NREP: variants seen among roughly 807,000 people sequenced by gnomAD.
NREP encodes neuronal regeneration related protein.
In NREP, 5 loss-of-function variants were observed where a neutral mutation model predicts 8.6. That is an observed-to-expected ratio of 0.58 (90% confidence interval 0.30 to 1.22). The LOEUF is 1.22. Among genes scored for constraint, NREP ranks in the 50% most tolerant of loss-of-function variants. The pLI is 0.07. For missense variants in NREP, 86 were observed against 82.5 expected (o/e 1.04, Z -0.17); for synonymous variants, 27 against 28.0 (o/e 0.96, Z 0.11).
intron 2 of NREP, among the ~76,000 whole-genome samples, chr5:111,865,002 C>A (rs1385461796): frequency 6.6e-6 from 1 of 152,082 alleles, no homozygotes; most frequent in Non-Finnish European, 1.5e-5. Flanking sequence ...GTGTGAAATT[C>A]TGTCTATTAT....
chr5:111,811,768 T>G (rs7705253), intron 2 of NREP, among the ~76,000 whole-genome samples: 1 of 152,060 alleles, frequency 6.6e-6, no homozygotes, highest in Non-Finnish European at 1.5e-5. Context: ...TTTTGAATTA[T>G]TGAATAATCA....
intron 2 of NREP, among the ~76,000 whole-genome samples, chr5:111,885,424 C>T (rs754395236): frequency 6.6e-6 from 1 of 151,320 alleles, no homozygotes; most frequent in Non-Finnish European, 1.5e-5. Flanking sequence ...AGATTCAATG[C>T]CATCCCCATC....
At chr5:111,939,447 A>C (rs1479750156) in intron 2 of NREP, among the ~76,000 whole-genome samples, 1 of 151,962 alleles carries the variant, frequency 6.6e-6, no homozygotes, top group Non-Finnish European at 1.5e-5. Flanking sequence ...GGAAATCCTC[A>C]TTATTTGTGG....
chr5:111,743,260 T>A (rs954429118), intron 2 of NREP, among the ~76,000 whole-genome samples: 2 of 143,714 alleles, frequency 1.4e-5, no homozygotes, highest in African/African-American at 5.2e-5. Flanking sequence ...CTCTCTTTAG[T>A]GAAGAAAAAA....
At chr5:111,812,767 AC>A (rs1752298873) in intron 2 of NREP, among the ~76,000 whole-genome samples, 2 of 152,170 alleles carry the variant, frequency 1.3e-5, no homozygotes, top group Admixed American at 1.3e-4. Flanking sequence ...CAGTCACTAT[AC>A]TGTTATCATT....
At chr5:111,946,999 A>G (rs1430406654) in intron 2 of NREP, among the ~76,000 whole-genome samples, 2 of 152,114 alleles carry the variant, frequency 1.3e-5, no homozygotes, top group Non-Finnish European at 2.9e-5. Flanking sequence ...TTTCTACAGC[A>G]TAATTTAGTT....
chr5:111,828,976 G>T (rs989099720), intron 2 of NREP, among the ~76,000 whole-genome samples: 3 of 152,054 alleles, frequency 2.0e-5, no homozygotes, highest in Non-Finnish European at 2.9e-5. Context: ...CTGTAGATTA[G>T]AGAGACATTT....
At chr5:111,789,857 T>A (rs115548455) in intron 2 of NREP, among the ~76,000 whole-genome samples, 406 of 152,272 alleles carry the variant, frequency 2.7e-3, no homozygotes, top group African/African-American at 8.0e-3. Context: ...CTTAGGGCTA[T>A]AGGCAATGGA....
At chr5:111,794,591 T>C (rs969909975) in intron 2 of NREP, among the ~76,000 whole-genome samples, 1 of 152,124 alleles carries the variant, frequency 6.6e-6, no homozygotes, top group Non-Finnish European at 1.5e-5. Context: ...GTACATACAA[T>C]ATGATTTCAA....
intron 2 of NREP, among the ~76,000 whole-genome samples, chr5:111,823,421 A>C (rs1187986441): frequency 6.6e-6 from 1 of 152,200 alleles, no homozygotes; most frequent in Non-Finnish European, 1.5e-5. Context: ...GTCTCCTGAC[A>C]ATTGGAATTA....
At chr5:111,898,345 A>T (rs1754563638) in intron 2 of NREP, among the ~76,000 whole-genome samples, 2 of 152,232 alleles carry the variant, frequency 1.3e-5, no homozygotes, top group Non-Finnish European at 2.9e-5. Context: ...ATTTAGAGAT[A>T]GAGACGAGAT....
intron 2 of NREP, among the ~76,000 whole-genome samples, chr5:111,961,834 G>T (rs1756488952): frequency 6.6e-6 from 1 of 152,214 alleles, no homozygotes; most frequent in Non-Finnish European, 1.5e-5. Flanking sequence ...GAGTGGTGAG[G>T]ACTTAACAGG....
intron 2 of NREP, among the ~76,000 whole-genome samples, chr5:111,926,820 T>C (rs1320967217): frequency 1.3e-5 from 2 of 151,748 alleles, no homozygotes; most frequent in Non-Finnish European, 1.5e-5. Flanking sequence ...CTTTGTTCCC[T>C]GAGCCCTGGC....
rs1317440923 is a variant in NREP at position 111,779,483 on chromosome 5, CA to C, written c.136-43977del. ...TCTAATTGGATTAGTTACCATGATT[CA>C]TTTAGCCATAAACAGGTATGTGATG... On this transcript the variant is annotated intron_variant, in intron 2 of 3. Coordinates refer to the NREP transcript ENST00000395634. Among the ~76,000 whole-genome samples the C allele has an allele frequency of 2.6e-5, 4 of 152,270 alleles. No individual in the cohort carries two copies. In the East Asian group the frequency reaches 7.7e-4, roughly 29 times the overall value.
intron 2 of NREP, among the ~76,000 whole-genome samples, chr5:111,958,251 A>G (rs1756379832): frequency 6.6e-6 from 1 of 151,948 alleles, no homozygotes; most frequent in South Asian, 2.1e-4. Flanking sequence ...GAATTATAAT[A>G]CTATAATTTT....
chr5:111,755,585 G>A (rs977903687), intron 2 of NREP, 185 bp downstream of exon 2: 2 of 642,402 alleles, frequency 3.1e-6, no homozygotes, highest in African/African-American at 1.8e-5. Context: ...GAACTAATTT[G>A]CCACATCCAA....
intron 2 of NREP, chr5:111,912,405 A>C (rs2112564781): frequency 6.6e-6 from 1 of 152,464 alleles, no homozygotes; most frequent in African/African-American, 2.4e-5. Flanking sequence ...GCCCTTGACT[A>C]CTAGTCTGTT....
intron 2 of NREP, among the ~76,000 whole-genome samples, chr5:111,860,325 A>C (rs1753517503): frequency 6.6e-6 from 1 of 152,114 alleles, no homozygotes; most frequent in African/African-American, 2.4e-5. Context: ...CATTTCAGCA[A>C]GATCTGTCAT....
intron 2 of NREP, among the ~76,000 whole-genome samples, chr5:111,877,290 T>C (rs1406495231): frequency 6.6e-6 from 1 of 152,198 alleles, no homozygotes; most frequent in Non-Finnish European, 1.5e-5. Flanking sequence ...ATGATTGCCC[T>C]GTCACTTTTC....
Sources: gnomAD v4.1 joint callset for allele counts (sites outside exome capture counted in the v4.1 genomes callset) on GRCh38, gnomAD v4.1.1 for gene constraint, MANE v1.5 for transcripts, NCBI Gene and HGNC (gene_info 2026-07-23, HGNC 2026-07-21) for gene names.